Variants in SPEF2 observed in about 807,000 individuals in gnomAD.
SPEF2 encodes the protein sperm flagellar and cilia associated 2.
SPEF2 carries 187 observed loss-of-function variants against 224.6 expected under a neutral mutation model. That is an observed-to-expected ratio of 0.83 (90% confidence interval 0.74 to 0.94). The LOEUF (loss-of-function observed/expected upper bound fraction) is 0.94. Among genes scored for constraint, SPEF2 ranks in the 40% least tolerant of loss-of-function variants. The pLI is 0.00. For synonymous variants in SPEF2, 715 were observed against 707.3 expected (o/e 1.01, Z -0.17); for missense variants, 2,170 against 2,135.6 (o/e 1.02, Z -0.32).
chr5:35,692,051 G>T (rs539579535), intron 11 of SPEF2, among the ~76,000 whole-genome samples: 7 of 151,378 alleles, frequency 4.6e-5, no homozygotes, highest in Non-Finnish European at 1.0e-4. Context: ...ACCCACCTCA[G>T]CCCCCAAAAA....
chr5:35,761,994 A>T (rs62353695), intron 25 of SPEF2, among the ~76,000 whole-genome samples: 80,850 of 152,036 alleles, frequency 0.53, 24,371 homozygotes, highest in Middle Eastern at 0.7. Context: ...AAACAAGAAC[A>T]ATGTTAAAAA....
chr5:35,685,527 A>G (rs561535785), intron 10 of SPEF2, among the ~76,000 whole-genome samples: 1 of 152,172 alleles, frequency 6.6e-6, no homozygotes, highest in Non-Finnish European at 1.5e-5. Flanking sequence ...GCCTAAACAA[A>G]CTTTTCTTAC....
At chr5:35,769,157 A>T (rs1274409688) in intron 26 of SPEF2, among the ~76,000 whole-genome samples, 1 of 152,170 alleles carries the variant, frequency 6.6e-6, no homozygotes, top group Non-Finnish European at 1.5e-5. Flanking sequence ...ATGCATAATT[A>T]TGCAGGTAAT....
intron 33 of SPEF2, among the ~76,000 whole-genome samples, chr5:35,797,338 G>C (rs1457186417): frequency 2.0e-5 from 3 of 151,830 alleles, no homozygotes; most frequent in Admixed American, 6.6e-5. Context: ...GTGTGTGTGT[G>C]TGTGTGTGTG....
At position 35,704,655 on chromosome 5, in the gene SPEF2, C is replaced by A. The variant is rs1739372066; in HGVS notation, c.2500C>A (p.Gln834Lys). 2 of 1,593,122 alleles carry A rather than the reference C, an allele frequency of 1.3e-6. No individual in the cohort carries two copies. Among genetic ancestry groups the A allele is most frequent in the Middle Eastern group, 3.3e-4 (2 of 5,990 alleles). Reference sequence around the variant, plus strand: ...AGACCAAAATTTAAGAGACCAGATACAACATAGGTTAGTTTTTAACTAAAT... The same window carrying A: ...AGACCAAAATTTAAGAGACCAGATAAAACATAGGTTAGTTTTTAACTAAAT... ...DGDQNLRDQI[Q>K]HRIIGFLDNW... is the part of the protein sequence containing the mutation. The change falls in exon 17 of 37, where the codon CAA (glutamine) becomes AAA (lysine). Residue 834 changes from glutamine to lysine, a missense_variant. Gln to Lys is a moderately conservative substitution (Grantham distance 53, BLOSUM62 1). Transcript: ENST00000356031.
At chr5:35,790,278 A>G in intron 30 of SPEF2, 1 of 620,026 alleles carries the variant, frequency 1.6e-6, no homozygotes, top group Non-Finnish European at 2.9e-6. Context: ...TAGGAAAGCT[A>G]TCCATTTATG....
intron 8 of SPEF2, among the ~76,000 whole-genome samples, chr5:35,665,461 G>T (rs1750340549): frequency 6.6e-6 from 1 of 152,062 alleles, no homozygotes; most frequent in Non-Finnish European, 1.5e-5. Context: ...GAGGGAGCGA[G>T]GAAGGGAGGA....
At chr5:35,771,089 C>A (rs1421477468) in intron 26 of SPEF2, among the ~76,000 whole-genome samples, 1 of 150,860 alleles carries the variant, frequency 6.6e-6, no homozygotes, top group African/African-American at 2.4e-5. Context: ...GAAGAAACCA[C>A]AAATATACAC....
chr5:35,703,398 G>GA (rs911052377), intron 16 of SPEF2, among the ~76,000 whole-genome samples: 1 of 152,054 alleles, frequency 6.6e-6, no homozygotes, highest in Non-Finnish European at 1.5e-5. Context: ...GATAAATTTG[G>GA]AAAAAAGGAG....
rs1196430926 is a variant in SPEF2, at chr5:35,793,224, A to T, written c.4620A>T (p.Leu1540Phe). 1.9e-6 allele frequency: 3 copies of T among 1,614,202 alleles called. No individual in the cohort carries two copies. Among genetic ancestry groups the T allele is most frequent in the South Asian group, 2.2e-5 (2 of 91,082 alleles). Residue 1540 changes from leucine to phenylalanine, a missense_variant, in exon 32 of 37, where the codon TTA becomes TTT. Coordinates refer to ENST00000356031, the MANE Select transcript of SPEF2 (RefSeq NM_024867.4). ...SEFVDWRKFL[L>F]VTSMPWPIPL... ...TCGTGGACTGGCGGAAGTTCCTGTT[A>T]GTAACCTCAATGCCTTGGCCCATTC... is the stretch of plus-strand genomic sequence containing the variant.
intron 3 of SPEF2, chr5:35,643,563 T>C (rs1339119901): frequency 1.5e-5 from 7 of 455,650 alleles, no homozygotes; most frequent in South Asian, 9.3e-5. Context: ...ATGAAAATGG[T>C]ACAAGGACAA....
intron 29 of SPEF2, among the ~76,000 whole-genome samples, chr5:35,778,017 G>A (rs898360272): frequency 1.1e-4 from 16 of 152,120 alleles, no homozygotes; most frequent in Non-Finnish European, 1.6e-4. Flanking sequence ...TGGCTAACAC[G>A]TATTACATGG....
rs181869933 is a variant in SPEF2, at chr5:35,668,693, G to A, written c.1356-1366G>A. 1.9e-3 allele frequency among the ~76,000 whole-genome samples: 293 copies of A among 152,202 alleles called. 2 individuals carry two copies. The highest frequency in any genetic ancestry group is 6.6e-3 in the African/African-American group (276 of 41,544). ...ATATGGATCTCCATATTTTAAAAAT[G>A]TTCCTACTTTTGCCATTTTATCTGT... On this transcript the variant is annotated intron_variant, in intron 9 of 36. Coordinates refer to ENST00000356031, the MANE Select transcript of SPEF2 (RefSeq NM_024867.4).
intron 2 of SPEF2, among the ~76,000 whole-genome samples, chr5:35,629,672 A>G (rs1468788014): frequency 6.6e-6 from 1 of 152,116 alleles, no homozygotes; most frequent in East Asian, 1.9e-4. Flanking sequence ...ATATATTCAC[A>G]TATTTAGTAT....
chr5:35,726,918 T>C (rs1477597235), intron 20 of SPEF2, among the ~76,000 whole-genome samples: 1 of 152,120 alleles, frequency 6.6e-6, no homozygotes, highest in Non-Finnish European at 1.5e-5. Flanking sequence ...GAAAGTGAAG[T>C]GAATGTCCTT....
intron 36 of SPEF2, among the ~76,000 whole-genome samples, chr5:35,811,545 G>A (rs1238062950): frequency 2.6e-5 from 4 of 151,970 alleles, no homozygotes; most frequent in Non-Finnish European, 4.4e-5. Context: ...TGTGGCCTTC[G>A]GCAAGTGACC....
chr5:35,782,456 G>C (rs572342613), intron 30 of SPEF2, among the ~76,000 whole-genome samples: 1 of 152,146 alleles, frequency 6.6e-6, no homozygotes, highest in Non-Finnish European at 1.5e-5. Flanking sequence ...GGATTTTTTT[G>C]GGAGGGAAGC....
intron 1 of SPEF2, among the ~76,000 whole-genome samples, chr5:35,621,456 T>C (rs946489848): frequency 1.3e-5 from 2 of 152,228 alleles, no homozygotes; most frequent in East Asian, 1.9e-4. Flanking sequence ...TTTGAACTTA[T>C]GCTTTTAGGT....
At chr5:35,692,759 G>A (rs761453636) in intron 12 of SPEF2, 35 bp downstream of exon 12, 4 of 1,587,804 alleles carry the variant, frequency 2.5e-6, no homozygotes, top group Admixed American at 1.8e-5. Context: ...TCTGCGCCTA[G>A]TACATTAGAG....
Sources: allele counts gnomAD v4.1 joint callset (sites outside exome capture counted in the v4.1 genomes callset), GRCh38; gene constraint gnomAD v4.1.1; transcripts MANE v1.5; gene names NCBI Gene and HGNC (gene_info 2026-07-23, HGNC 2026-07-21).